The following XKR3 variants were observed in gnomAD, a reference collection of about 807,000 sequenced individuals.
The protein encoded by XKR3 is XK-related protein 3.
In XKR3, 27 loss-of-function variants were observed where a neutral mutation model predicts 40.3. The observed-to-expected ratio is 0.67, with a 90% CI of 0.49 to 0.92. The LOEUF is 0.92. XKR3 is among the 40% of genes least tolerant of loss of function. The pLI, the probability that XKR3 is intolerant of heterozygous loss-of-function variation, is 0.00. For missense variants in XKR3, 472 were observed against 537.6 expected, an observed-to-expected ratio of 0.88 and a Z score of 1.21; for synonymous variants, 193 against 195.4, an observed-to-expected ratio of 0.99 and a Z score of 0.10.
intron 1 of XKR3, among the ~76,000 whole-genome samples, chr22:16,809,313 C>G (rs747731330): frequency 2.8e-4 from 42 of 152,274 alleles, no homozygotes; most frequent in Non-Finnish European, 4.4e-4. Flanking sequence ...CCCAATCCAT[C>G]AATATGATTG....
chr22:16,790,979 G>C (rs1416259527), intron 3 of XKR3, among the ~76,000 whole-genome samples: 1 of 151,548 alleles, frequency 6.6e-6, no homozygotes, highest in Non-Finnish European at 1.5e-5. Flanking sequence ...TTTACTCCAT[G>C]AACAGTTTGG....
At chr22:16,825,149 G>A (rs2060268480) in intron 1 of XKR3, among the ~76,000 whole-genome samples, 142 bp downstream of exon 1, 1 of 152,112 alleles carries the variant, frequency 6.6e-6, no homozygotes, top group East Asian at 1.9e-4. Context: ...AGAATCAAGA[G>A]AGGGAGTTTC....
chr22:16,806,955 A>C (rs2060192137), intron 2 of XKR3, among the ~76,000 whole-genome samples: 1 of 152,202 alleles, frequency 6.6e-6, no homozygotes, highest in Non-Finnish European at 1.5e-5. Flanking sequence ...AATATGAAGA[A>C]TTGTTCTTTC....
chr22:16,817,236 A>G (rs1020809093), intron 1 of XKR3, among the ~76,000 whole-genome samples: 2 of 152,000 alleles, frequency 1.3e-5, no homozygotes, highest in Non-Finnish European at 2.9e-5. Flanking sequence ...CCATTTATTC[A>G]TCTCAGAGAA....
chr22:16,794,452 T>C (rs1242343084), intron 3 of XKR3, among the ~76,000 whole-genome samples: 3 of 152,136 alleles, frequency 2.0e-5, no homozygotes, highest in African/African-American at 7.2e-5. Context: ...AAGAATTTTA[T>C]ATCCCACCAA....
intron 2 of XKR3, among the ~76,000 whole-genome samples, chr22:16,802,893 TTAAAA>T (rs1240332639): frequency 6.6e-6 from 1 of 152,172 alleles, no homozygotes; most frequent in Non-Finnish European, 1.5e-5. Flanking sequence ...TTTTTTGACA[TTAAAA>T]TAAGACATTA....
intron 1 of XKR3, among the ~76,000 whole-genome samples, chr22:16,815,209 T>C (rs1601850882): frequency 6.6e-6 from 1 of 152,056 alleles, no homozygotes; most frequent in South Asian, 2.1e-4. Flanking sequence ...TCTGTTGAGA[T>C]TGTCATATGG....
intron 1 of XKR3, among the ~76,000 whole-genome samples, chr22:16,811,729 C>T (rs1038050508): frequency 2.0e-5 from 3 of 152,138 alleles, no homozygotes; most frequent in Admixed American, 1.3e-4. Context: ...TTTAATATGG[C>T]CGGGCACGGT....
chr22:16,814,196 T>C (rs2060224102), intron 1 of XKR3, among the ~76,000 whole-genome samples: 1 of 152,220 alleles, frequency 6.6e-6, no homozygotes, highest in Non-Finnish European at 1.5e-5. Flanking sequence ...TTTGATACAT[T>C]TTGAGATAAC....
chr22:16,807,250 T>G (rs940510472), intron 2 of XKR3, among the ~76,000 whole-genome samples: 1 of 152,214 alleles, frequency 6.6e-6, no homozygotes, highest in African/African-American at 2.4e-5. Flanking sequence ...GGAAATGAAT[T>G]GCTAAGCTAT....
At chr22:16,819,589 C>G (rs146748858) in intron 1 of XKR3, among the ~76,000 whole-genome samples, 2 of 152,170 alleles carry the variant, frequency 1.3e-5, no homozygotes, top group South Asian at 2.1e-4. Context: ...ACATAAAACT[C>G]ACCCTACAGA....
At chr22:16,795,674 CA>C (rs374187211) in intron 3 of XKR3, among the ~76,000 whole-genome samples, 29 of 144,044 alleles carry the variant, frequency 2.0e-4, no homozygotes, top group African/African-American at 3.3e-4. Context: ...TTAACAAAGA[CA>C]AAAAAAAAAG....
At chr22:16,824,742 C>T (rs531949790) in intron 1 of XKR3, among the ~76,000 whole-genome samples, 1 of 152,166 alleles carries the variant, frequency 6.6e-6, no homozygotes, top group African/African-American at 2.4e-5. Context: ...GCTGCCCCAA[C>T]CACTTCCTTC....
intron 3 of XKR3, among the ~76,000 whole-genome samples, chr22:16,785,205 T>C (rs2060084930): frequency 6.6e-6 from 1 of 152,000 alleles, no homozygotes; most frequent in Non-Finnish European, 1.5e-5. Flanking sequence ...TAGTCCCAGC[T>C]ACTCGGGAGG....
intron 3 of XKR3, among the ~76,000 whole-genome samples, chr22:16,790,890 A>C (rs2060113050): frequency 1.2e-5 from 1 of 83,452 alleles, no homozygotes; most frequent in Non-Finnish European, 2.7e-5. Flanking sequence ...GAAAAAAGAA[A>C]CGTTGAAAAA....
intron 1 of XKR3, among the ~76,000 whole-genome samples, chr22:16,810,828 G>A (rs1445792198): frequency 6.6e-6 from 1 of 151,882 alleles, no homozygotes; most frequent in African/African-American, 2.4e-5. Context: ...TCTTTTTCTT[G>A]GTCAGGGCCC....
chr22:16,783,914 A>G lies in XKR3; in HGVS notation c.1085T>C (p.Phe362Ser). Residue 362 changes from phenylalanine to serine, a missense_variant, in exon 4 of 4, where the codon TTT becomes TCT. Transcript: ENST00000684488. ...FLENVIMILV[F>S]RFFGGKTLLN... The stretch of plus-strand genomic sequence containing the variant: ...CAAAGTTTTCCCTCCAAAGAACCTA[A>G]ATACCAATATCATTATCACATTTTC... 6.2e-7 allele frequency: 1 copy of G among 1,614,224 alleles called. No individual in the cohort carries two copies. The highest frequency in any genetic ancestry group is 2.2e-5 in the East Asian group (1 of 44,884).
intron 2 of XKR3, among the ~76,000 whole-genome samples, chr22:16,802,252 C>A (rs2060172230): frequency 6.6e-6 from 1 of 152,096 alleles, no homozygotes; most frequent in Non-Finnish European, 1.5e-5. Context: ...TATCTTCTGA[C>A]CAAATAGAAA....
chr22:16,813,839 T>C (rs776388004), intron 1 of XKR3, among the ~76,000 whole-genome samples: 18 of 152,218 alleles, frequency 1.2e-4, no homozygotes, highest in Non-Finnish European at 2.4e-4. Context: ...ACATCTGTTA[T>C]TTCTTTCTGA....
Sources: gnomAD v4.1 joint callset for allele counts (sites outside exome capture counted in the v4.1 genomes callset) on GRCh38, gnomAD v4.1.1 for gene constraint, MANE v1.5 for transcripts, NCBI Gene and HGNC (gene_info 2026-07-23, HGNC 2026-07-21) for gene names.